Variants in DOK5 observed in about 807,000 individuals in gnomAD.
The protein encoded by DOK5 is docking protein 5, also known as downstream of tyrosine kinase 5.
Under a neutral mutation model 43.3 loss-of-function variants are expected in DOK5, and 27 were observed. The ratio of observed to expected loss-of-function variants is 0.62; its 90% CI spans 0.46 to 0.86. DOK5 has a LOEUF of 0.86. DOK5 is among the 40% of genes least tolerant of loss of function. DOK5 has a pLI of 0.00. For missense variants in DOK5, 373 were observed against 392.9 expected, an observed-to-expected ratio of 0.95 and a Z score of 0.43; for synonymous variants, 146 against 140.1, an observed-to-expected ratio of 1.04 and a Z score of -0.30.
At chr20:54,585,144 G>A (rs1260443229) in intron 2 of DOK5, among the ~76,000 whole-genome samples, 1 of 149,244 alleles carries the variant, frequency 6.7e-6, no homozygotes, top group Non-Finnish European at 1.5e-5. Context: ...CAAGGCTTGT[G>A]TGTGTTGTGT....
intron 5 of DOK5, among the ~76,000 whole-genome samples, chr20:54,609,565 T>TAC (rs1369997066): frequency 3.3e-4 from 50 of 150,708 alleles, no homozygotes; most frequent in African/African-American, 1.2e-3. Context: ...AGCATATATA[T>TAC]ACACACACTA....
intron 6 of DOK5, among the ~76,000 whole-genome samples, chr20:54,637,099 G>T (rs1407563457): frequency 6.6e-6 from 1 of 152,156 alleles, no homozygotes; most frequent in Non-Finnish European, 1.5e-5. Flanking sequence ...CATGAGAAAA[G>T]AGACCTGTAA....
At chr20:54,491,374 A>G (rs999788814) in intron 1 of DOK5, among the ~76,000 whole-genome samples, 1 of 152,238 alleles carries the variant, frequency 6.6e-6, no homozygotes, top group Non-Finnish European at 1.5e-5. Flanking sequence ...CATAGAATAC[A>G]TACTCATATT....
chr20:54,584,708 T>A (rs979786713), intron 2 of DOK5, among the ~76,000 whole-genome samples: 1 of 149,342 alleles, frequency 6.7e-6, no homozygotes, highest in Non-Finnish European at 1.5e-5. Flanking sequence ...TACTATAATA[T>A]GTACTCGTGT....
chr20:54,586,587 A>T (rs1246186370), intron 2 of DOK5, among the ~76,000 whole-genome samples: 1 of 152,186 alleles, frequency 6.6e-6, no homozygotes, highest in Non-Finnish European at 1.5e-5. Flanking sequence ...GCCCTATGTA[A>T]CTCTCACTTT....
chr20:54,557,898 C>T (rs953638160), intron 2 of DOK5, among the ~76,000 whole-genome samples: 2 of 152,178 alleles, frequency 1.3e-5, no homozygotes, highest in Non-Finnish European at 2.9e-5. Flanking sequence ...CTATTGTCTT[C>T]CCCTCTTCCC....
chr20:54,529,948 C>G (rs1196586931), intron 1 of DOK5, among the ~76,000 whole-genome samples: 1 of 152,142 alleles, frequency 6.6e-6, no homozygotes, highest in Non-Finnish European at 1.5e-5. Flanking sequence ...GTGGATAGAC[C>G]ACATTTTGTT....
intron 1 of DOK5, 31 bp downstream of exon 1, chr20:54,476,043 C>G (rs766120081): frequency 9.9e-6 from 16 of 1,610,814 alleles, no homozygotes; most frequent in Non-Finnish European, 1.4e-5. Flanking sequence ...TGTTGCTGTT[C>G]GCCGGTTCGA....
chr20:54,576,905 G>A (rs2146754049), intron 2 of DOK5, among the ~76,000 whole-genome samples: 1 of 152,250 alleles, frequency 6.6e-6, no homozygotes, highest in Non-Finnish European at 1.5e-5. Flanking sequence ...ATTTCCAAGT[G>A]GTGTACTTTT....
At position 54,602,202 on chromosome 20, in the gene DOK5, A is replaced by C. The variant is rs140261591; in HGVS notation, c.600-8186A>C. ...TAATTAAATGCTTATTTGATGCCGG[A>C]TCCTTTGCTAAATACAAAATGCAAT... On this transcript the variant is annotated intron_variant, in intron 5 of 7. Transcript: ENST00000262593. 7.3e-3 allele frequency among the ~76,000 whole-genome samples: 1,111 copies of C among 152,322 alleles called. 12 individuals are homozygous for C. The highest frequency in any genetic ancestry group is 0.025 in the African/African-American group (1,046 of 41,560).
chr20:54,561,122 A>G (rs1422771625), intron 2 of DOK5, among the ~76,000 whole-genome samples: 1 of 152,140 alleles, frequency 6.6e-6, no homozygotes, highest in Non-Finnish European at 1.5e-5. Flanking sequence ...GCAAACATTT[A>G]TCAATCCCTC....
At chr20:54,543,210 A>G (rs2146717528) in intron 1 of DOK5, among the ~76,000 whole-genome samples, 1 of 152,244 alleles carries the variant, frequency 6.6e-6, no homozygotes, top group East Asian at 1.9e-4. Flanking sequence ...TAAATGAAGG[A>G]ACAACGTTGA....
At chr20:54,508,191 T>C (rs1982883548) in intron 1 of DOK5, among the ~76,000 whole-genome samples, 1 of 152,128 alleles carries the variant, frequency 6.6e-6, no homozygotes, top group Non-Finnish European at 1.5e-5. Flanking sequence ...TGCATGCAAT[T>C]AAAAGTAGAA....
At chr20:54,490,795 G>A (rs561636048) in intron 1 of DOK5, among the ~76,000 whole-genome samples, 64 of 152,220 alleles carry the variant, frequency 4.2e-4, no homozygotes, top group African/African-American at 1.4e-3. Flanking sequence ...TCACCATGTT[G>A]GCCAAGATGG....
intron 1 of DOK5, among the ~76,000 whole-genome samples, chr20:54,545,488 G>T (rs1984309379): frequency 6.6e-6 from 1 of 152,200 alleles, no homozygotes; most frequent in Non-Finnish European, 1.5e-5. Flanking sequence ...CAGGCCAGCA[G>T]GGAGTCATTT....
At chr20:54,498,680 G>T (rs1035923941) in intron 1 of DOK5, among the ~76,000 whole-genome samples, 2 of 152,188 alleles carry the variant, frequency 1.3e-5, no homozygotes, top group South Asian at 2.1e-4. Context: ...TAAGGGCCAC[G>T]ATCCTGGTGA....
Position 54,645,829 on chromosome 20 carries a change from C to T in DOK5, c.856+2251C>T, listed in dbSNP as rs369500776. On this transcript the variant is annotated intron_variant, in intron 7 of 7. Coordinates refer to ENST00000262593, the MANE Select transcript of DOK5 (RefSeq NM_018431.5). ...TCCATCAGGATTTGTCGAAAGAATGCATAATGTTAAGAAAGCACTGGGGGT... is the reference window on the plus strand; with the variant it reads ...TCCATCAGGATTTGTCGAAAGAATGTATAATGTTAAGAAAGCACTGGGGGT... Among the ~76,000 whole-genome samples, 545 of 149,050 alleles carry T rather than the reference C, an allele frequency of 3.7e-3. 4 individuals are homozygous for T. The highest frequency in any genetic ancestry group is 0.013 in the African/African-American group (515 of 40,444).
Position 54,591,643 on chromosome 20 carries a change from C to T in DOK5, c.437C>T (p.Ser146Phe). 1.2e-6 allele frequency: 2 copies of T among 1,611,658 alleles called. No individual in the cohort carries two copies. The highest frequency in any genetic ancestry group is 1.7e-6 in the Non-Finnish European group (2 of 1,179,072). The change falls in exon 5 of 8, where the codon TCT becomes TTT. Residue 146 changes from serine (S) to phenylalanine (F), a missense_variant. Coordinates refer to ENST00000262593, the MANE Select transcript of DOK5 (RefSeq NM_018431.5). ...SERFNVYLMP[S>F]PNLDVHGECA... is the part of the protein sequence containing the mutation. ...AGATTCAATGTGTATTTGATGCCAT[C>T]TCCTAACTTAGATGTACATGGCGAA...
At chr20:54,501,820 A>G (rs376631058) in intron 1 of DOK5, among the ~76,000 whole-genome samples, 154 of 152,348 alleles carry the variant, frequency 1.0e-3, no homozygotes, top group African/African-American at 3.3e-3. Context: ...ATGCCACCAA[A>G]TGATTTCAAT....
Sources: allele counts gnomAD v4.1 joint callset (sites outside exome capture counted in the v4.1 genomes callset), GRCh38; gene constraint gnomAD v4.1.1; transcripts MANE v1.5; gene names NCBI Gene and HGNC (gene_info 2026-07-23, HGNC 2026-07-21).